The following NRXN1 variants were observed in gnomAD, a reference collection of about 807,000 sequenced individuals.
NRXN1 encodes neurexin 1.
A neutral mutation model predicts 150.9 loss-of-function variants in NRXN1; 39 were observed. The observed-to-expected ratio is 0.26, with a 90% CI of 0.20 to 0.34. The LOEUF is 0.34. NRXN1 is among the 10% of genes least tolerant of loss of function. The pLI is 1.00. For missense variants in NRXN1, 1,815 were observed against 1,949.9 expected (o/e 0.93, Z 1.30); for synonymous variants, 924 against 757.0 (o/e 1.22, Z -3.62).
At chr2:50,248,627 T>G (rs1318927623) in intron 17 of NRXN1, among the ~76,000 whole-genome samples, 2 of 152,210 alleles carry the variant, frequency 1.3e-5, no homozygotes, top group Non-Finnish European at 2.9e-5. Context: ...GACAACTTAT[T>G]CATTCATTTA....
At chr2:50,037,731 A>C (rs1296218512) in intron 21 of NRXN1, among the ~76,000 whole-genome samples, 2 of 152,182 alleles carry the variant, frequency 1.3e-5, no homozygotes, top group Non-Finnish European at 2.9e-5. Flanking sequence ...ACAAACGATT[A>C]TTACTAAACT....
At chr2:50,381,572 C>A (rs866131866) in intron 17 of NRXN1, among the ~76,000 whole-genome samples, 45 of 135,334 alleles carry the variant, frequency 3.3e-4, no homozygotes, top group South Asian at 3.1e-3. Flanking sequence ...CACACACACA[C>A]AATCTGCTTT....
intron 5 of NRXN1, among the ~76,000 whole-genome samples, chr2:50,843,345 A>G (rs542512810): frequency 6.6e-6 from 1 of 152,228 alleles, no homozygotes; most frequent in Non-Finnish European, 1.5e-5. Flanking sequence ...ATTTTTCAAT[A>G]TATTAAATTC....
Position 50,055,020 on chromosome 2 carries a change from G to T in NRXN1, c.3743C>A (p.Ala1248Glu). The change falls in exon 20 of 23, where the codon GCG becomes GAG. Residue 1248 changes from alanine to glutamate, a missense_variant. By Grantham distance (107) the Ala-to-Glu change is moderately radical (BLOSUM62 -1). Transcript: ENST00000401669. ...ATATGGAATTCGCTGTCTAGCAATC[G>T]CCAGGCGCTCGTTATCATTGTTTCC... ...PAGNNDNERL[A>E]IARQRIPYRL... The T allele has an allele frequency of 6.3e-7, 1 of 1,599,834 alleles. No homozygotes were observed. Among genetic ancestry groups the T allele is most frequent in the Non-Finnish European group, 8.5e-7 (1 of 1,174,280 alleles).
chr2:50,790,130 T>C (rs1705720018), intron 5 of NRXN1, among the ~76,000 whole-genome samples: 1 of 146,082 alleles, frequency 6.8e-6, no homozygotes, highest in South Asian at 2.1e-4. Context: ...CCTTATTCCC[T>C]CCCACCACAC....
rs544982994 is a variant in NRXN1 at position 50,249,287 on chromosome 2, G to T, written c.3365-12317C>A. Among the ~76,000 whole-genome samples, 5 of 152,126 alleles carry T rather than the reference G, an allele frequency of 3.3e-5. No homozygotes were observed. In the South Asian group the frequency reaches 1.0e-3, roughly 32 times the overall value. On this transcript the variant is annotated intron_variant, in intron 17 of 22. Coordinates refer to ENST00000401669, the MANE Select transcript of NRXN1 (RefSeq NM_001330078.2). ...AACAAGACAAAAAAATCCTATGAGA[G>T]ATCACTTTTAGATTTCTTGAAAGTT...
intron 17 of NRXN1, among the ~76,000 whole-genome samples, chr2:50,457,982 G>A (rs902907508): frequency 2.0e-5 from 3 of 152,080 alleles, no homozygotes; most frequent in Admixed American, 6.6e-5. Context: ...TCACTGCTGA[G>A]TATATATCCA....
At chr2:50,117,294 A>C (rs1263121733) in intron 18 of NRXN1, among the ~76,000 whole-genome samples, 1 of 152,162 alleles carries the variant, frequency 6.6e-6, no homozygotes, top group Non-Finnish European at 1.5e-5. Flanking sequence ...AGTGTTGTGC[A>C]AAATAACAGC....
At chr2:50,945,031 T>C (rs898911055) in intron 2 of NRXN1, among the ~76,000 whole-genome samples, 1 of 152,218 alleles carries the variant, frequency 6.6e-6, no homozygotes, top group African/African-American at 2.4e-5. Context: ...AAAGAGTCTC[T>C]ACTTCAGACC....
intron 5 of NRXN1, among the ~76,000 whole-genome samples, chr2:50,864,078 T>C (rs1676523871): frequency 6.6e-6 from 1 of 151,998 alleles, no homozygotes. Context: ...TCCGTTGGCT[T>C]ACTCAATTTA....
At chr2:50,779,329 T>C (rs1027449076) in intron 5 of NRXN1, among the ~76,000 whole-genome samples, 1 of 152,220 alleles carries the variant, frequency 6.6e-6, no homozygotes, top group Admixed American at 6.5e-5. Context: ...GTTTAATCCA[T>C]GTCCCTGCAA....
At chr2:50,290,391 T>C (rs1471189810) in intron 17 of NRXN1, among the ~76,000 whole-genome samples, 7 of 152,194 alleles carry the variant, frequency 4.6e-5, no homozygotes, top group African/African-American at 1.2e-4. Flanking sequence ...AAAATAAAAA[T>C]GTGTAAGTGC....
chr2:50,731,385 T>C (rs1559180588), intron 5 of NRXN1, among the ~76,000 whole-genome samples: 1 of 152,324 alleles, frequency 6.6e-6, no homozygotes, highest in Admixed American at 6.5e-5. Flanking sequence ...CTGTTCGAAA[T>C]TTTAAATGCA....
At chr2:50,171,158 C>T (rs1229025608) in intron 18 of NRXN1, among the ~76,000 whole-genome samples, 2 of 151,840 alleles carry the variant, frequency 1.3e-5, no homozygotes, top group Admixed American at 6.6e-5. Flanking sequence ...ATCTTGCTGT[C>T]TCATGGGTGG....
At chr2:50,666,551 T>C (rs994676031) in intron 5 of NRXN1, among the ~76,000 whole-genome samples, 6 of 151,924 alleles carry the variant, frequency 3.9e-5, no homozygotes, top group African/African-American at 1.4e-4. Flanking sequence ...TTCCCATGAA[T>C]GGTATGTGAG....
intron 17 of NRXN1, among the ~76,000 whole-genome samples, chr2:50,340,053 A>G (rs76506227): frequency 2.7e-3 from 417 of 152,324 alleles, no homozygotes; most frequent in Non-Finnish European, 4.5e-3. Flanking sequence ...GCAAATGTAC[A>G]GTGGCTATAT....
chr2:50,671,380 A>G (rs1389423338), intron 5 of NRXN1, among the ~76,000 whole-genome samples: 1 of 151,682 alleles, frequency 6.6e-6, no homozygotes, highest in Admixed American at 6.6e-5. Flanking sequence ...GCTAAAATTC[A>G]GATTTTCCAG....
chr2:50,301,055 C>CA (rs2074103271), intron 17 of NRXN1, among the ~76,000 whole-genome samples: 1 of 152,060 alleles, frequency 6.6e-6, no homozygotes, highest in African/African-American at 2.4e-5. Flanking sequence ...AACAAAAATA[C>CA]AAAAAGAGCT....
chr2:50,090,436 C>T lies in NRXN1; in HGVS notation c.3718+887G>A, dbSNP rs188266356. 5.0e-3 allele frequency among the ~76,000 whole-genome samples: 767 copies of T among 152,088 alleles called. 5 individuals carry two copies. The highest frequency in any genetic ancestry group is 0.021 in the Middle Eastern group (6 of 292). On this transcript the variant is annotated intron_variant, in intron 19 of 22. Coordinates refer to ENST00000401669, the MANE Select transcript of NRXN1 (RefSeq NM_001330078.2). ...TATAAATTGTGTGCTTTGCAAAAAA[C>T]ATAGTTATATCTAAAAGGGGAAGAG...
Sources: allele counts gnomAD v4.1 joint callset (sites outside exome capture counted in the v4.1 genomes callset), GRCh38; gene constraint gnomAD v4.1.1; transcripts MANE v1.5; gene names NCBI Gene and HGNC (gene_info 2026-07-23, HGNC 2026-07-21).